TXNRD1: variants seen among roughly 807,000 people sequenced by gnomAD.
TXNRD1 encodes thioredoxin reductase 1, cytoplasmic.
TXNRD1 carries 57 observed loss-of-function variants against 80.3 expected under a neutral mutation model. The ratio of observed to expected loss-of-function variants is 0.71; its 90% CI spans 0.57 to 0.89. TXNRD1 has a LOEUF of 0.89. TXNRD1 is among the 40% of genes least tolerant of loss of function. The pLI, the probability that TXNRD1 is intolerant of heterozygous loss-of-function variation, is 0.00. For missense variants in TXNRD1, 730 were observed against 803.0 expected (o/e 0.91, Z 1.10); for synonymous variants, 291 against 285.2 (o/e 1.02, Z -0.20).
At chr12:104,316,076 G>A (rs893374113) in intron 7 of TXNRD1, among the ~76,000 whole-genome samples, 180 bp downstream of exon 7, 1 of 152,096 alleles carries the variant, frequency 6.6e-6, no homozygotes, top group African/African-American at 2.4e-5. Flanking sequence ...AGTTGTTATG[G>A]TAACAACAGA....
intron 1 of TXNRD1, among the ~76,000 whole-genome samples, chr12:104,217,753 G>A (rs1199631360): frequency 6.6e-6 from 1 of 151,964 alleles, no homozygotes; most frequent in East Asian, 1.9e-4. Context: ...GTTTCCCCCA[G>A]CCCCTGGTAT....
At chr12:104,318,805 T>C (rs2035419916) in intron 7 of TXNRD1, 108 bp from the exon 8 acceptor site, 2 of 1,153,100 alleles carry the variant, frequency 1.7e-6, no homozygotes, top group Non-Finnish European at 2.4e-6. Flanking sequence ...CCTTTCAGAT[T>C]GCCTTTTAGA....
chr12:104,293,258 G>C (rs970552768), intron 4 of TXNRD1, among the ~76,000 whole-genome samples: 27 of 152,202 alleles, frequency 1.8e-4, no homozygotes, highest in African/African-American at 6.0e-4. Flanking sequence ...GTCAGACATA[G>C]TTAAGACTTT....
At chr12:104,272,699 G>A (rs2033676456) in intron 3 of TXNRD1, among the ~76,000 whole-genome samples, 1 of 151,830 alleles carries the variant, frequency 6.6e-6, no homozygotes, top group Non-Finnish European at 1.5e-5. Context: ...GGCTGAGGCA[G>A]GAGAATGGCA....
In TXNRD1 at chr12:104,321,301, G is replaced by T; in HGVS notation, c.1200G>T (p.Gln400His). 1.2e-6 allele frequency: 2 copies of T among 1,613,892 alleles called. No homozygotes were observed. Among genetic ancestry groups the T allele is most frequent in the African/African-American group, 1.3e-5 (1 of 75,022 alleles). ...MEEHGIKFIR[Q>H]FVPIKVEQIE... ...AACATGGCATCAAGTTTATAAGACA[G>T]TTCGTACCAATTAAAGTAAGTGGGT... Residue 400 changes from glutamine (Q) to histidine (H), a missense_variant, in exon 10 of 17, where the codon CAG becomes CAT. Transcript: ENST00000525566.
chr12:104,336,299 A>T (rs1159001293), intron 15 of TXNRD1, among the ~76,000 whole-genome samples: 4 of 152,244 alleles, frequency 2.6e-5, no homozygotes, highest in African/African-American at 9.6e-5. Context: ...CCTACCAATA[A>T]ACCTGTCAGT....
intron 12 of TXNRD1, 87 bp downstream of exon 12, chr12:104,326,510 G>T: frequency 1.3e-6 from 1 of 797,554 alleles, no homozygotes; most frequent in Non-Finnish European, 1.9e-6. Flanking sequence ...TTGTCTCCCA[G>T]GCTGGAGTAC....
chr12:104,287,284 C>G, intron 3 of TXNRD1: 2 of 1,613,954 alleles, frequency 1.2e-6, no homozygotes, highest in Admixed American at 3.3e-5. Context: ...TTTTCCAAAC[C>G]CAGGCAGCTT....
At chr12:104,236,803 A>AG (rs1217192804) in intron 1 of TXNRD1, among the ~76,000 whole-genome samples, 1 of 151,884 alleles carries the variant, frequency 6.6e-6, no homozygotes, top group Non-Finnish European at 1.5e-5. Context: ...AAAAAAAAAA[A>AG]AAAAAGTGGA....
Position 104,334,319 on chromosome 12 carries a change from A to G in TXNRD1, c.1733A>G (p.Asn578Ser). 6.7e-7 allele frequency: 1 copy of G among 1,499,562 alleles called. No individual in the cohort carries two copies. The highest frequency in any genetic ancestry group is 9.0e-7 in the Non-Finnish European group (1 of 1,115,732). 92.9% of individuals were successfully genotyped at this position (1,499,562 alleles called of 1,614,324 possible). The change falls in exon 15 of 17, where the codon AAT (asparagine) becomes AGT (serine). Residue 578 changes from asparagine to serine, a missense_variant. Coordinates refer to ENST00000525566, the MANE Select transcript of TXNRD1 (RefSeq NM_001093771.3). ...NNKCYAKIICNTKDNERVVGF... is the reference protein window; with the variant it reads ...NNKCYAKIICSTKDNERVVGF... ...AAATGTTATGCAAAAATAATCTGTA[A>G]TACTAAAGACAATGTAAGTTTAATT...
chr12:104,224,950 T>G (rs980312218), intron 1 of TXNRD1: 123 of 456,304 alleles, frequency 2.7e-4, no homozygotes, highest in Non-Finnish European at 1.2e-4. Flanking sequence ...TTTTTTACAG[T>G]GTATTTCCAA....
rs556254564 is a variant in TXNRD1 at position 104,309,240 on chromosome 12, G to T, written c.415-2050G>T. The stretch of plus-strand genomic sequence containing the variant: ...CTAAGGTCAACTGAATGCTTCAATT[G>T]CCTGTGTCTTGCCAATTGGTAAATT... On this transcript the variant is annotated intron_variant, in intron 4 of 16. Transcript: ENST00000525566. 2.0e-5 allele frequency among the ~76,000 whole-genome samples: 3 copies of T among 152,212 alleles called. No homozygotes were observed. The East Asian group carries it at 5.8e-4, about 29-fold the overall frequency.
At chr12:104,340,825 G>A (rs1375870868) in intron 16 of TXNRD1, among the ~76,000 whole-genome samples, 1 of 151,922 alleles carries the variant, frequency 6.6e-6, no homozygotes, top group Admixed American at 6.6e-5. Flanking sequence ...AGGGTTATGG[G>A]GACACAATTC....
In TXNRD1 at chr12:104,242,837, C is replaced by G. The variant is rs139506436; in HGVS notation, c.92-8690C>G. On this transcript the variant is annotated intron_variant, in intron 1 of 16. Transcript: ENST00000525566. ...GGATTTCTGGCGTAATTTCTCTTAT[C>G]ATGAACCATTCCATAAACCAGTCCT... is the stretch of plus-strand genomic sequence containing the variant. Among the ~76,000 whole-genome samples, 19 of 152,254 alleles carry G rather than the reference C, an allele frequency of 1.2e-4. No homozygotes were observed. The East Asian group carries it at 3.7e-3, about 29-fold the overall frequency.
chr12:104,339,307 T>C (rs773063142), intron 16 of TXNRD1, 34 bp downstream of exon 16: 17 of 1,612,832 alleles, frequency 1.1e-5, no homozygotes, highest in Non-Finnish European at 1.4e-5. Flanking sequence ...TTTAAAATGT[T>C]TAAAATGTGC....
intron 1 of TXNRD1, among the ~76,000 whole-genome samples, chr12:104,233,070 T>A (rs2032659160): frequency 6.6e-6 from 1 of 152,224 alleles, no homozygotes; most frequent in South Asian, 2.1e-4. Flanking sequence ...AAGGAAGAGA[T>A]GTATGCTGTA....
chr12:104,315,606 G>A (rs2035297651), intron 6 of TXNRD1, among the ~76,000 whole-genome samples, 171 bp from the exon 7 acceptor site: 1 of 152,130 alleles, frequency 6.6e-6, no homozygotes, highest in Non-Finnish European at 1.5e-5. Context: ...GTATGTAAGG[G>A]TCTCTGAACT....
chr12:104,311,840 G>A (rs1028104083), intron 5 of TXNRD1, among the ~76,000 whole-genome samples: 35 of 152,052 alleles, frequency 2.3e-4, no homozygotes, highest in African/African-American at 8.5e-4. Flanking sequence ...AATTAGCCAG[G>A]CGTGGTGGTG....
chr12:104,225,914 C>G (rs956394958), intron 1 of TXNRD1, among the ~76,000 whole-genome samples: 8 of 151,862 alleles, frequency 5.3e-5, no homozygotes, highest in Non-Finnish European at 1.2e-4. Context: ...GAAAAAGGAG[C>G]TTATGCCGGG....
Sources: gnomAD v4.1 joint callset for allele counts (sites outside exome capture counted in the v4.1 genomes callset) on GRCh38, gnomAD v4.1.1 for gene constraint, MANE v1.5 for transcripts, NCBI Gene and HGNC (gene_info 2026-07-23, HGNC 2026-07-21) for gene names.